Variants in KRT75 observed in about 807,000 individuals in gnomAD.
KRT75 encodes keratin, type II cytoskeletal 75.
In KRT75, 35 loss-of-function variants were observed where a neutral mutation model predicts 48.8. The observed-to-expected ratio is 0.72, with a 90% CI of 0.55 to 0.95. The LOEUF (loss-of-function observed/expected upper bound fraction) is 0.95. Ranked by LOEUF, KRT75 falls within the 40% of genes least tolerant of loss-of-function variation. The probability of loss-of-function intolerance (pLI) is 0.00; values close to 1 mark genes in which losing one functional copy is unlikely to be tolerated. For missense variants in KRT75, 776 were observed against 709.9 expected (o/e 1.09, Z -1.06); for synonymous variants, 301 against 282.3 (o/e 1.07, Z -0.66).
rs1940181715 is a variant in KRT75, at chr12:52,433,923, G to A, written c.382C>T (p.Gln128Ter). The A allele has an allele frequency of 3.7e-6, 6 of 1,614,184 alleles. No homozygotes were observed. The highest frequency in any genetic ancestry group is 5.1e-6 in the Non-Finnish European group (6 of 1,180,028). ...AGGTGAAGAGGAGTCAGGAGACTCT[G>A]GTTGACAGTGACCTCTTGGATGCCT... is the stretch of plus-strand genomic sequence containing the variant. ...PGGIQEVTVN[Q>*]SLLTPLHLQI... The change falls in exon 1 of 9, where the codon CAG (glutamine) becomes TAG (stop). Residue 128 changes from glutamine (Q) to a stop codon, truncating the protein, a stop_gained. Transcript: ENST00000252245. LOFTEE classifies it high-confidence loss of function.
intron 7 of KRT75, among the ~76,000 whole-genome samples, chr12:52,427,265 G>T (rs975792101): frequency 6.6e-6 from 1 of 152,182 alleles, no homozygotes; most frequent in Non-Finnish European, 1.5e-5. Flanking sequence ...GTGGAGAGGC[G>T]TCTGAGTCAT....
chr12:52,428,103 A>T, intron 7 of KRT75, 153 bp downstream of exon 7: 1 of 955,624 alleles, frequency 1.0e-6, no homozygotes, highest in Non-Finnish European at 1.6e-6. Context: ...GCCTGGAAGG[A>T]AATTAAAATT....
chr12:52,429,488 C>A (rs529628787), intron 5 of KRT75, among the ~76,000 whole-genome samples: 1 of 152,270 alleles, frequency 6.6e-6, no homozygotes, highest in South Asian at 2.1e-4. Flanking sequence ...AAACCTACAC[C>A]TTTCCCTGAC....
Position 52,434,248 on chromosome 12 carries a change from G to T in KRT75, c.57C>A (p.Thr19=). 1 of 1,589,578 alleles carries T rather than the reference G, an allele frequency of 6.3e-7. No individual in the cohort carries two copies. The part of the protein sequence containing the change: ...FQSGSRRGFS[T]TSAITPAAGR... ...CAGCTGCCGGGGTGATGGCCGAGGT[G>T]GTGCTGAAGCCCCTGCGGCTGCCAG... The change falls in exon 1 of 9, where the codon ACC becomes ACA. Residue 19 remains threonine (T), a synonymous_variant. Coordinates refer to ENST00000252245, the MANE Select transcript of KRT75 (RefSeq NM_004693.3).
Position 52,434,234 on chromosome 12 carries a change from G to T in KRT75, c.71C>A (p.Thr24Asn). 6.3e-6 allele frequency: 10 copies of T among 1,591,836 alleles called. No homozygotes were observed. The highest frequency in any genetic ancestry group is 8.6e-6 in the Non-Finnish European group (10 of 1,168,986). The part of the protein sequence containing the change: ...RRGFSTTSAI[T>N]PAAGRSRFSS... ...GAAGCGGGAGCGGCCAGCTGCCGGG[G>T]TGATGGCCGAGGTGGTGCTGAAGCC... The change falls in exon 1 of 9, where the codon ACC (threonine) becomes AAC (asparagine). Residue 24 changes from threonine (T) to asparagine (N), a missense_variant. By Grantham distance (65) the Thr-to-Asn change is moderately conservative (BLOSUM62 0). Transcript: ENST00000252245.
In KRT75 at chr12:52,424,670, G is replaced by T. The variant is rs766382354; in HGVS notation, c.1503C>A (p.Gly501=). Residue 501 remains glycine (G), a synonymous_variant, in exon 9 of 9, where the codon GGC becomes GGA. Coordinates refer to ENST00000252245, the MANE Select transcript of KRT75 (RefSeq NM_004693.3). ...GGNLGLGGGS[G]YSFTTSGGHS... is the part of the protein sequence containing the mutation. ...GCCCACCACTGGTGGTGAAGGAGTA[G>T]CCGCTGCCCCCACCGAGGCCCAGGT... is the stretch of plus-strand genomic sequence containing the variant. 4 of 1,614,202 alleles carry T rather than the reference G, an allele frequency of 2.5e-6. No individual in the cohort carries two copies. Among genetic ancestry groups the T allele is most frequent in the Non-Finnish European group, 8.5e-7 (1 of 1,180,016 alleles).
chr12:52,425,725 G>T (rs1940068410), intron 8 of KRT75, among the ~76,000 whole-genome samples: 1 of 152,220 alleles, frequency 6.6e-6, no homozygotes, highest in Admixed American at 6.5e-5. Context: ...AGAGGGGATA[G>T]TGCCACCCTG....
intron 5 of KRT75, among the ~76,000 whole-genome samples, chr12:52,430,052 A>G (rs1940123630): frequency 6.6e-6 from 1 of 152,082 alleles, no homozygotes; most frequent in African/African-American, 2.4e-5. Context: ...TCCCAACTGT[A>G]CAAAGCCCCC....
chr12:52,424,748 G>A lies in KRT75; in HGVS notation c.1425C>T (p.Val475=). The change falls in exon 9 of 9, where the codon GTC becomes GTT. Residue 475 remains valine (V), a synonymous_variant. Coordinates refer to ENST00000252245, the MANE Select transcript of KRT75 (RefSeq NM_004693.3). ...EGVSPVNISV[V]TSTLSSGYGS... is the part of the protein sequence containing the mutation. ...CATAGCCACTGGAAAGAGTAGAGGTGACCACAGCTGCCGGGAAGAGAGGAG... is the reference window on the plus strand; with the variant it reads ...CATAGCCACTGGAAAGAGTAGAGGTAACCACAGCTGCCGGGAAGAGAGGAG... 1 of 1,612,108 alleles carries A rather than the reference G, an allele frequency of 6.2e-7. No homozygotes were observed. The highest frequency in any genetic ancestry group is 1.7e-5 in the Admixed American group (1 of 60,028).
In KRT75 at chr12:52,424,220, G is replaced by T. The variant is rs894503486; in HGVS notation, c.*297C>A. On this transcript the variant is annotated 3_prime_UTR_variant, in exon 9 of 9. Coordinates refer to ENST00000252245, the MANE Select transcript of KRT75 (RefSeq NM_004693.3). ...GCCTCTGCATCTGGAGGGAGGGAGG[G>T]AGGTGGAGCTGGAGGAGGACTTTCC... is the stretch of plus-strand genomic sequence containing the variant. The T allele has an allele frequency of 4.2e-6, 2 of 474,912 alleles. No individual in the cohort carries two copies. Among genetic ancestry groups the T allele is most frequent in the East Asian group, 4.1e-5 (1 of 24,564 alleles). The allele number at this position is 474,912 out of a possible 1,614,324, so 29.4% of individuals were successfully genotyped here.
In KRT75 at chr12:52,429,230, A is replaced by T. The variant is rs950452889; in HGVS notation, c.1036-487T>A. On this transcript the variant is annotated intron_variant, in intron 5 of 8. Transcript: ENST00000252245. Reference sequence around the variant, plus strand: ...CAAGGTCCCTGGGTAGTTCCTGGTCACAGAGCGTGCATCCAGACCAACTGT... The same window carrying T: ...CAAGGTCCCTGGGTAGTTCCTGGTCTCAGAGCGTGCATCCAGACCAACTGT... Among the ~76,000 whole-genome samples the T allele has an allele frequency of 7.9e-5, 12 of 152,182 alleles. 1 individual carries two copies. The highest frequency in any genetic ancestry group is 5.9e-4 in the Admixed American group (9 of 15,278).
Position 52,430,522 on chromosome 12 carries a change from TG to T in KRT75, c.1035+18del, listed in dbSNP as rs1565792468. ...AGAACACTAACCCTGGAACCTCTCA[TG>T]GAGGTGTCCATGCTCACCTTGGTCT... On this transcript the variant is annotated intron_variant, in intron 5 of 8. Coordinates refer to ENST00000252245, the MANE Select transcript of KRT75 (RefSeq NM_004693.3). The T allele has an allele frequency of 6.2e-7, 1 of 1,613,324 alleles. No homozygotes were observed. Among genetic ancestry groups the T allele is most frequent in the Non-Finnish European group, 8.5e-7 (1 of 1,179,254 alleles).
chr12:52,433,784 G>C (rs757342495), intron 1 of KRT75, 23 bp downstream of exon 1: 1 of 1,613,908 alleles, frequency 6.2e-7, no homozygotes, highest in African/African-American at 1.3e-5. Context: ...AAACCCAAGG[G>C]GGTGGATGAA....
At chr12:52,431,873 A>G in intron 3 of KRT75, 133 bp downstream of exon 3, 1 of 886,016 alleles carries the variant, frequency 1.1e-6, no homozygotes, top group Non-Finnish European at 1.9e-6. Context: ...ACATGTTGGG[A>G]GGTTTGAACT....
At chr12:52,428,153 C>T (rs1198900012) in intron 7 of KRT75, 103 bp downstream of exon 7, 2 of 1,429,430 alleles carry the variant, frequency 1.4e-6, no homozygotes, top group Non-Finnish European at 9.8e-7. Flanking sequence ...GCATTTTCTT[C>T]CAGGAGAAGA....
chr12:52,428,254 A>G lies in KRT75; in HGVS notation c.1382+2T>C. On this transcript the variant is annotated splice_donor_variant, in intron 7 of 8. Coordinates refer to ENST00000252245, the MANE Select transcript of KRT75 (RefSeq NM_004693.3). LOFTEE classifies it high-confidence loss of function. ...AGGATGAAGTTGGTGCATCTGCCTCACCTGCACTCCTCGCCTTCCAGCAGC... is the reference window on the plus strand; with the variant it reads ...AGGATGAAGTTGGTGCATCTGCCTCGCCTGCACTCCTCGCCTTCCAGCAGC... 6.2e-7 allele frequency: 1 copy of G among 1,613,716 alleles called. No individual in the cohort carries two copies.
chr12:52,425,357 G>T (rs554458130), intron 8 of KRT75, among the ~76,000 whole-genome samples: 1 of 152,184 alleles, frequency 6.6e-6, no homozygotes, highest in South Asian at 2.1e-4. Flanking sequence ...AATAGACTCC[G>T]TTATAGGATG....
intron 3 of KRT75, 87 bp from the exon 4 acceptor site, chr12:52,431,725 A>G: frequency 9.2e-7 from 1 of 1,084,992 alleles, no homozygotes; most frequent in Non-Finnish European, 1.4e-6. Context: ...TCCCCAGCCC[A>G]TCTAGTTTGG....
rs369970744 is a variant in KRT75 at position 52,433,890 on chromosome 12, C to T, written c.415G>A (p.Asp139Asn). 19 of 1,613,964 alleles carry T rather than the reference C, an allele frequency of 1.2e-5. No individual in the cohort carries two copies. Among genetic ancestry groups the T allele is most frequent in the African/African-American group, 5.3e-5 (4 of 74,908 alleles). ...SLLTPLHLQI[D>N]PTIQRVRAEE... ...GCCCGCACCCGCTGGATGGTGGGGT[C>T]GATTTGCAGGTGAAGAGGAGTCAGG... is the stretch of plus-strand genomic sequence containing the variant. The change falls in exon 1 of 9, where the codon GAC becomes AAC. Residue 139 changes from aspartate to asparagine, a missense_variant. Transcript: ENST00000252245.
Sources: allele counts gnomAD v4.1 joint callset (sites outside exome capture counted in the v4.1 genomes callset), GRCh38; gene constraint gnomAD v4.1.1; transcripts MANE v1.5; gene names NCBI Gene and HGNC (gene_info 2026-07-23, HGNC 2026-07-21).